Variants in SOX6 observed in about 807,000 individuals in gnomAD.
SOX6 encodes the protein transcription factor SOX-6.
A neutral mutation model predicts 97.8 loss-of-function variants in SOX6; 11 were observed. The ratio of observed to expected loss-of-function variants is 0.11; its 90% CI spans 0.07 to 0.19. The LOEUF is 0.19. SOX6 is among the 10% of genes least tolerant of loss of function. The pLI is 1.00. For synonymous variants in SOX6, 360 were observed against 371.4 expected (o/e 0.97, Z 0.35); for missense variants, 810 against 1,039.5 (o/e 0.78, Z 3.04).
At chr11:16,528,131 A>C (rs1347636249) in intron 4 of SOX6, among the ~76,000 whole-genome samples, 2 of 152,094 alleles carry the variant, frequency 1.3e-5, no homozygotes, top group African/African-American at 4.8e-5. Context: ...CCTTCTTGTA[A>C]CATAAGGCAC....
At chr11:16,208,088 G>C (rs1852121581) in intron 4 of SOX6, among the ~76,000 whole-genome samples, 1 of 152,156 alleles carries the variant, frequency 6.6e-6, no homozygotes, top group South Asian at 2.1e-4. Context: ...AGTTGAGATA[G>C]AATTTGAAGT....
chr11:16,525,752 C>A (rs1199235554), intron 4 of SOX6, among the ~76,000 whole-genome samples: 3 of 151,912 alleles, frequency 2.0e-5, no homozygotes, highest in African/African-American at 7.3e-5. Flanking sequence ...GGGCTAATAT[C>A]CAGAATCTAC....
chr11:16,729,302 G>A (rs1214513911), intron 2 of SOX6, among the ~76,000 whole-genome samples: 1 of 152,106 alleles, frequency 6.6e-6, no homozygotes, highest in African/African-American at 2.4e-5. Context: ...TTGAAATGAA[G>A]GAAAAAATGT....
At chr11:16,678,681 G>T (rs1365944064) in intron 3 of SOX6, among the ~76,000 whole-genome samples, 4 of 152,178 alleles carry the variant, frequency 2.6e-5, no homozygotes, top group African/African-American at 9.7e-5. Flanking sequence ...GGGGTCAGGG[G>T]ATTTCCCTTT....
rs539833382 is a variant in SOX6 at position 16,093,804 on chromosome 11, C to G, written c.1101+2192G>C. 3.9e-5 allele frequency among the ~76,000 whole-genome samples: 6 copies of G among 151,964 alleles called. No individual in the cohort carries two copies. The South Asian group carries it at 1.2e-3, about 32-fold the overall frequency. ...GAAAGCAGATTTAAATAACAATAAA[C>G]CAAGATATTATTAAAATATCCCTCT... On this transcript the variant is annotated intron_variant, in intron 9 of 15. Coordinates refer to ENST00000683767, the MANE Select transcript of SOX6 (RefSeq NM_001367873.1).
chr11:16,579,805 T>C (rs920230958), intron 4 of SOX6, among the ~76,000 whole-genome samples: 3 of 152,168 alleles, frequency 2.0e-5, no homozygotes, highest in African/African-American at 7.2e-5. Context: ...CTTGGGTATA[T>C]ACCTGGAATT....
rs771528538 is a variant in SOX6 at position 15,986,269 on chromosome 11, C to T, written c.2118G>A (p.Arg706=). The change falls in exon 15 of 16, where the codon CGG becomes CGA. Residue 706 remains arginine (R), a synonymous_variant. Transcript: ENST00000683767. ...RTCIVDGKKL[R]IGEYKQLMRS... Reference sequence around the variant, plus strand: ...TCATCAGTTGCTTATACTCCCCAATCCGAAGCTTTTTGCCATCAACAATGC... The same window carrying T: ...TCATCAGTTGCTTATACTCCCCAATTCGAAGCTTTTTGCCATCAACAATGC... The T allele has an allele frequency of 6.2e-7, 1 of 1,614,170 alleles. No individual in the cohort carries two copies. The highest frequency in any genetic ancestry group is 2.2e-5 in the East Asian group (1 of 44,888).
chr11:16,104,753 T>G (rs1299417753), intron 7 of SOX6, among the ~76,000 whole-genome samples: 1 of 152,004 alleles, frequency 6.6e-6, no homozygotes, highest in East Asian at 1.9e-4. Flanking sequence ...CCTGAATAAT[T>G]ATGCAGTCAT....
chr11:16,253,573 T>C (rs1378819217), intron 3 of SOX6, among the ~76,000 whole-genome samples: 1 of 151,990 alleles, frequency 6.6e-6, no homozygotes, highest in Non-Finnish European at 1.5e-5. Flanking sequence ...AAAAATGCTG[T>C]CACAAAAATG....
At chr11:16,173,762 CA>C (rs1370928960) in intron 6 of SOX6, among the ~76,000 whole-genome samples, 2 of 150,890 alleles carry the variant, frequency 1.3e-5, no homozygotes, top group Non-Finnish European at 3.0e-5. Flanking sequence ...TACTCAAAGA[CA>C]TTTTTTCTGT....
At chr11:16,109,188 A>C (rs894998319) in intron 7 of SOX6, among the ~76,000 whole-genome samples, 10 of 151,680 alleles carry the variant, frequency 6.6e-5, no homozygotes, top group Admixed American at 4.6e-4. Flanking sequence ...TTTCTTTTTT[A>C]TTTTATTTTA....
chr11:16,724,708 C>T (rs188057783), intron 2 of SOX6, among the ~76,000 whole-genome samples: 98 of 152,272 alleles, frequency 6.4e-4, no homozygotes, highest in African/African-American at 2.3e-3. Flanking sequence ...TTTATCTCTT[C>T]CTCTCTAGAC....
At chr11:16,302,275 A>T (rs1855281152) in intron 3 of SOX6, among the ~76,000 whole-genome samples, 1 of 152,084 alleles carries the variant, frequency 6.6e-6, no homozygotes, top group Non-Finnish European at 1.5e-5. Context: ...GCTCCCCACT[A>T]CCCAAAGGAT....
intron 3 of SOX6, among the ~76,000 whole-genome samples, chr11:16,250,370 A>C (rs749096069): frequency 1.6e-4 from 24 of 152,176 alleles, no homozygotes; most frequent in Non-Finnish European, 2.9e-4. Context: ...TAAGCTTAAA[A>C]CCTAGCATTA....
intron 1 of SOX6, among the ~76,000 whole-genome samples, chr11:16,399,634 GATAA>G (rs1858491590): frequency 6.6e-6 from 1 of 151,448 alleles, no homozygotes; most frequent in African/African-American, 2.4e-5. Context: ...CCAAAGTATA[GATAA>G]ATAATCAGAT....
At chr11:16,582,073 A>G (rs1239433662) in intron 4 of SOX6, among the ~76,000 whole-genome samples, 2 of 152,122 alleles carry the variant, frequency 1.3e-5, no homozygotes, top group Non-Finnish European at 2.9e-5. Flanking sequence ...AAAACTAAAT[A>G]CCACATGTTC....
chr11:16,518,247 T>C (rs116343813), intron 4 of SOX6, among the ~76,000 whole-genome samples: 1 of 152,156 alleles, frequency 6.6e-6, no homozygotes, highest in African/African-American at 2.4e-5. Flanking sequence ...ATAGGCTGCA[T>C]TTCCCTCCCT....
At chr11:16,184,087 G>C (rs1009961990) in intron 5 of SOX6, 133 bp from the exon 6 acceptor site, 2 of 809,110 alleles carry the variant, frequency 2.5e-6, no homozygotes, top group East Asian at 5.5e-5. Flanking sequence ...AAATGAGAGA[G>C]GCCAAATCAG....
intron 6 of SOX6, among the ~76,000 whole-genome samples, chr11:16,147,714 TTA>T (rs1850348430): frequency 6.6e-6 from 1 of 152,164 alleles, no homozygotes; most frequent in Non-Finnish European, 1.5e-5. Flanking sequence ...CTCACATTTC[TTA>T]TCTCTTCCCA....
Sources: allele counts gnomAD v4.1 joint callset (sites outside exome capture counted in the v4.1 genomes callset), GRCh38; gene constraint gnomAD v4.1.1; transcripts MANE v1.5; gene names NCBI Gene and HGNC (gene_info 2026-07-23, HGNC 2026-07-21).